The following TDRD7 variants were observed in gnomAD, a reference collection of about 807,000 sequenced individuals.
TDRD7 encodes the protein tudor domain-containing protein 7.
Under a neutral mutation model 109.8 loss-of-function variants are expected in TDRD7, and 47 were observed. That is an observed-to-expected ratio of 0.43 (90% CI 0.34 to 0.55). The LOEUF is 0.55. Ranked by LOEUF, TDRD7 falls within the 20% of genes least tolerant of loss-of-function variation. The pLI is 0.03. For missense variants in TDRD7, 1,164 were observed against 1,319.2 expected, an observed-to-expected ratio of 0.88 and a Z score of 1.82; for synonymous variants, 424 against 457.3, an observed-to-expected ratio of 0.93 and a Z score of 0.93.
intron 12 of TDRD7, 54 bp downstream of exon 12, chr9:97,475,523 A>T: frequency 8.0e-7 from 1 of 1,255,212 alleles, no homozygotes; most frequent in East Asian, 2.4e-5. Flanking sequence ...AATATTTCAA[A>T]TATACACATA....
At chr9:97,484,701 A>G (rs886542984) in intron 15 of TDRD7, among the ~76,000 whole-genome samples, 4 of 152,200 alleles carry the variant, frequency 2.6e-5, no homozygotes, top group African/African-American at 9.6e-5. Flanking sequence ...CTAAAAAACC[A>G]TTTCTACTGT....
At chr9:97,472,235 T>G in intron 9 of TDRD7, 58 bp from the exon 10 acceptor site, 3 of 1,442,622 alleles carry the variant, frequency 2.1e-6, no homozygotes, top group Non-Finnish European at 2.9e-6. Flanking sequence ...AATCCATCTA[T>G]TCATCTTGAA....
intron 12 of TDRD7, among the ~76,000 whole-genome samples, chr9:97,475,796 G>A (rs1466775594): frequency 2.0e-5 from 3 of 152,156 alleles, no homozygotes; most frequent in Non-Finnish European, 2.9e-5. Context: ...ATGAATATGT[G>A]TATATAATAT....
In TDRD7 at chr9:97,475,383, C is replaced by A. The variant is rs1384069355; in HGVS notation, c.2080C>A (p.His694Asn). ...RKIEDYFHCKHMTSECFVSLP... is the reference protein window; with the variant it reads ...RKIEDYFHCKNMTSECFVSLP... ...AGTATCATGCATTTCTGTTTTGCAG[C>A]ACATGACCTCTGAGTGCTTTGTTTC... The change falls in exon 12 of 17, where the codon CAC becomes AAC. Residue 694 changes from histidine to asparagine, a missense_variant and splice_region_variant. His to Asn is a moderately conservative substitution (Grantham distance 68). Around this residue, in one of 5 missense-constraint regions of TDRD7, gnomAD observed 261 missense variants for 336.2 expected, o/e 0.78. Transcript: ENST00000355295. 9.3e-6 allele frequency: 15 copies of A among 1,612,134 alleles called. No homozygotes were observed. The East Asian group carries it at 3.3e-4, about 36-fold the overall frequency.
At chr9:97,429,677 G>C (rs1283171656) in intron 2 of TDRD7, among the ~76,000 whole-genome samples, 2 of 152,194 alleles carry the variant, frequency 1.3e-5, no homozygotes, top group African/African-American at 4.8e-5. Flanking sequence ...GTTCCAGACA[G>C]ACTTAAGCCC....
In TDRD7 at chr9:97,480,986, C is replaced by T. The variant is rs765392640; in HGVS notation, c.2412+48C>T. On this transcript the variant is annotated intron_variant, in intron 14 of 16. Transcript: ENST00000355295. Reference sequence around the variant, plus strand: ...ATACATTTAGAAAGGGAGCTGGCAGCTGTCAGGGCTCATTTAGTTTTTGTG... The same window carrying T: ...ATACATTTAGAAAGGGAGCTGGCAGTTGTCAGGGCTCATTTAGTTTTTGTG... The T allele has an allele frequency of 2.7e-6, 4 of 1,500,760 alleles. No homozygotes were observed. In the Admixed American group the frequency reaches 5.0e-5, roughly 19 times the overall value. The allele number at this position is 1,500,760 out of a possible 1,614,324, so 93.0% of individuals were successfully genotyped here. A position where few individuals can be genotyped will look rare whatever the true frequency, so the allele number is the denominator to read the frequency against.
chr9:97,464,243 T>C (rs1173135957), intron 7 of TDRD7, among the ~76,000 whole-genome samples: 1 of 152,236 alleles, frequency 6.6e-6, no homozygotes, highest in African/African-American at 2.4e-5. Context: ...ACACTATCGC[T>C]GCTTCCTGTT....
In TDRD7 at chr9:97,430,831, T is replaced by C. The variant is rs7874295; in HGVS notation, c.208-102T>C. On this transcript the variant is annotated intron_variant, in intron 2 of 16. Transcript: ENST00000355295. ...CATGAATATTTGCATACCACTTGACTTGGGATATGTAGGCTCACTAAGATC... is the reference window on the plus strand; with the variant it reads ...CATGAATATTTGCATACCACTTGACCTGGGATATGTAGGCTCACTAAGATC... 0.45 allele frequency: 631,407 copies of C among 1,399,806 alleles called. 143,953 individuals carry two copies. The highest frequency in any genetic ancestry group is 0.55 in the Admixed American group (32,327 of 59,264). The allele number at this position is 1,399,806 out of a possible 1,614,324, so 86.7% of individuals were successfully genotyped here. A position where few individuals can be genotyped will look rare whatever the true frequency, so the allele number is the denominator to read the frequency against.
At chr9:97,448,972 A>G (rs1350437875) in intron 6 of TDRD7, among the ~76,000 whole-genome samples, 3 of 152,192 alleles carry the variant, frequency 2.0e-5, no homozygotes, top group Non-Finnish European at 4.4e-5. Context: ...TCATAGACTC[A>G]AAGGAGTTTG....
In TDRD7 at chr9:97,473,033, TTTGA is replaced by T. The variant is rs1828950163; in HGVS notation, c.1945-456_1945-453del. Among the ~76,000 whole-genome samples the T allele has an allele frequency of 2.6e-5, 4 of 152,350 alleles. No homozygotes were observed. In the South Asian group the frequency reaches 6.2e-4, roughly 24 times the overall value. ...AAAATGGGTAAAATTGAATATTTAC[TTTGA>T]TTATGGTTTTTTAAAATTACTCAAA... On this transcript the variant is annotated intron_variant, in intron 10 of 16. Transcript: ENST00000355295.
At chr9:97,474,374 C>T (rs1299418513) in intron 11 of TDRD7, among the ~76,000 whole-genome samples, 2 of 152,156 alleles carry the variant, frequency 1.3e-5, no homozygotes, top group African/African-American at 4.8e-5. Context: ...CCACAAAGCA[C>T]ATCAGGCACC....
intron 6 of TDRD7, among the ~76,000 whole-genome samples, chr9:97,444,754 T>C (rs1199965324): frequency 1.3e-5 from 2 of 152,148 alleles, no homozygotes; most frequent in Admixed American, 6.5e-5. Flanking sequence ...TATTAAAAGA[T>C]TGAAAAATAA....
intron 15 of TDRD7, among the ~76,000 whole-genome samples, chr9:97,486,382 C>T (rs2131181185): frequency 6.6e-6 from 1 of 152,168 alleles, no homozygotes; most frequent in East Asian, 1.9e-4. Flanking sequence ...GTTGATGTAG[C>T]TTCTGTAGGG....
In TDRD7 at chr9:97,471,231, T is replaced by G. The variant is rs373250361; in HGVS notation, c.1741+562T>G. On this transcript the variant is annotated intron_variant, in intron 9 of 16. Transcript: ENST00000355295. ...ATAAACTTAAAGGACAGATGACACA[T>G]TGGTCATGTCCGTGATAAGGAAAGG... 5.9e-5 allele frequency among the ~76,000 whole-genome samples: 9 copies of G among 152,308 alleles called. No individual in the cohort carries two copies. In the South Asian group the frequency reaches 1.4e-3, roughly 25 times the overall value.
At chr9:97,435,072 CATGGGACAGTTCTGTATGT>C (rs1828170100) in intron 4 of TDRD7, among the ~76,000 whole-genome samples, 1 of 152,104 alleles carries the variant, frequency 6.6e-6, no homozygotes, top group Non-Finnish European at 1.5e-5. Context: ...CCCTTGTAGC[CATGGGACAGTTCTGTATGT>C]TGATTGTACT....
chr9:97,472,211 G>C lies in TDRD7; in HGVS notation c.1742-82G>C, dbSNP rs1828929025. 3.5e-5 allele frequency: 45 copies of C among 1,277,324 alleles called. No individual in the cohort carries two copies. In the South Asian group the frequency reaches 5.4e-4, roughly 15 times the overall value. The allele number at this position is 1,277,324 out of a possible 1,614,324, so 79.1% of individuals were successfully genotyped here. The stretch of plus-strand genomic sequence containing the variant: ...CAGTAGGCTTATAATTTTAATAATG[G>C]TCAAAACAGACACAATCCATCTATT... On this transcript the variant is annotated intron_variant, in intron 9 of 16. Transcript: ENST00000355295.
At chr9:97,474,522 T>C (rs1828978658) in intron 11 of TDRD7, among the ~76,000 whole-genome samples, 1 of 152,298 alleles carries the variant, frequency 6.6e-6, no homozygotes, top group South Asian at 2.1e-4. Context: ...TAGTGTCTTA[T>C]GTAGAATAGG....
chr9:97,468,785 T>C (rs1324224859), intron 8 of TDRD7, among the ~76,000 whole-genome samples: 2 of 152,122 alleles, frequency 1.3e-5, no homozygotes, highest in Admixed American at 6.5e-5. Flanking sequence ...GGCCACTTGA[T>C]GGTGCCAGAG....
intron 1 of TDRD7, among the ~76,000 whole-genome samples, chr9:97,421,805 T>C (rs530443938): frequency 6.6e-6 from 1 of 151,772 alleles, no homozygotes; most frequent in Admixed American, 6.6e-5. Flanking sequence ...AGGTGACCCA[T>C]GTGCCTTGGT....
Sources: allele counts gnomAD v4.1 joint callset (sites outside exome capture counted in the v4.1 genomes callset), GRCh38; gene constraint gnomAD v4.1.1; regional missense constraint gnomAD v4.1.1; transcripts MANE v1.5; gene names NCBI Gene and HGNC (gene_info 2026-07-23, HGNC 2026-07-21).